NBAS: variants seen among roughly 807,000 people sequenced by gnomAD.
NBAS encodes NAG/BC035112 fusion.
Under a neutral mutation model 302.5 loss-of-function variants are expected in NBAS, and 219 were observed. The ratio of observed to expected loss-of-function variants is 0.72; its 90% confidence interval spans 0.65 to 0.81. The LOEUF is 0.81. NBAS is among the 30% of genes least tolerant of loss of function. The probability of loss-of-function intolerance (pLI) is 0.00; values close to 1 mark genes in which losing one functional copy is unlikely to be tolerated. For missense variants in NBAS, 2,932 were observed against 2,841.6 expected (o/e 1.03, Z -0.72); for synonymous variants, 1,118 against 1,021.6 (o/e 1.09, Z -1.80).
At chr2:15,059,339 C>T in the NBAS span, among the ~76,000 whole-genome samples, 1 of 152,150 alleles carries the variant, frequency 6.6e-6, no homozygotes, top group Non-Finnish European at 1.5e-5. Context: ...GATGAAGCAG[C>T]TCATTATTTG....
At chr2:15,112,067 G>T in the NBAS span, among the ~76,000 whole-genome samples, 35 of 151,042 alleles carry the variant, frequency 2.3e-4, no homozygotes, top group Non-Finnish European at 2.1e-4. Context: ...AGAAAATAAA[G>T]AGTAGCACAG....
At chr2:15,536,235 T>C (rs1028729246) in intron 8 of NBAS, among the ~76,000 whole-genome samples, 183 bp downstream of exon 8, 1 of 151,824 alleles carries the variant, frequency 6.6e-6, no homozygotes, top group African/African-American at 2.4e-5. Context: ...CACAGTAAAA[T>C]CCTAATTGTA....
At chr2:14,932,938 ATAT>A in the NBAS span, among the ~76,000 whole-genome samples, 1 of 152,224 alleles carries the variant, frequency 6.6e-6, no homozygotes, top group African/African-American at 2.4e-5. Context: ...CATGGAACTA[ATAT>A]TCTACTAAGT....
At chr2:15,259,760 A>G (rs1432422688) in intron 44 of NBAS, among the ~76,000 whole-genome samples, 1 of 152,204 alleles carries the variant, frequency 6.6e-6, no homozygotes, top group African/African-American at 2.4e-5. Flanking sequence ...GCAAACCAAG[A>G]TGGTTCAGTT....
At chr2:15,123,490 T>C in the NBAS span, among the ~76,000 whole-genome samples, 1 of 152,148 alleles carries the variant, frequency 6.6e-6, no homozygotes, top group Non-Finnish European at 1.5e-5. Flanking sequence ...TAAAGGAACA[T>C]TTGTGGTTCT....
At chr2:14,910,447 G>A in the NBAS span, among the ~76,000 whole-genome samples, 14 of 152,332 alleles carry the variant, frequency 9.2e-5, no homozygotes, top group Admixed American at 5.9e-4. Context: ...TGTGGCAGAA[G>A]AGAGTTTCTT....
the NBAS span, among the ~76,000 whole-genome samples, chr2:14,783,051 C>T: frequency 6.6e-6 from 1 of 151,968 alleles, no homozygotes; most frequent in African/African-American, 2.4e-5. Context: ...TACAACAAAC[C>T]CTTGTGAGAA....
the NBAS span, among the ~76,000 whole-genome samples, chr2:14,842,959 T>G: frequency 6.6e-6 from 1 of 151,466 alleles, no homozygotes; most frequent in Non-Finnish European, 1.5e-5. Context: ...TTAAAAAAGA[T>G]CATTCACAAT....
chr2:15,348,070 G>T (rs546528977), intron 35 of NBAS, among the ~76,000 whole-genome samples: 10 of 152,264 alleles, frequency 6.6e-5, no homozygotes, highest in South Asian at 2.1e-4. Flanking sequence ...AATTTAATGT[G>T]GTTATTATAT....
At chr2:15,317,637 A>C (rs1342289617) in intron 38 of NBAS, among the ~76,000 whole-genome samples, 2 of 152,178 alleles carry the variant, frequency 1.3e-5, no homozygotes, top group Non-Finnish European at 2.9e-5. Context: ...GGTCAAGTGG[A>C]AGAGTATCAG....
chr2:15,338,460 C>T (rs1427929599), intron 35 of NBAS, among the ~76,000 whole-genome samples: 2 of 152,078 alleles, frequency 1.3e-5, no homozygotes, highest in Non-Finnish European at 2.9e-5. Flanking sequence ...AAATACCTGT[C>T]AGAACAAGCA....
At chr2:15,001,126 G>A in the NBAS span, among the ~76,000 whole-genome samples, 1 of 152,134 alleles carries the variant, frequency 6.6e-6, no homozygotes, top group Non-Finnish European at 1.5e-5. Context: ...TGAATTTCCA[G>A]AGAAATTTAA....
the NBAS span, among the ~76,000 whole-genome samples, chr2:15,011,154 A>C: frequency 6.6e-6 from 1 of 152,142 alleles, no homozygotes; most frequent in Non-Finnish European, 1.5e-5. Flanking sequence ...CTTAATAATG[A>C]ATTATTCAAT....
chr2:15,142,598 TC>T, the NBAS span, among the ~76,000 whole-genome samples: 1 of 152,236 alleles, frequency 6.6e-6, no homozygotes, highest in Non-Finnish European at 1.5e-5. Context: ...GCATTAGTCA[TC>T]CTGCTGGGCC....
the NBAS span, among the ~76,000 whole-genome samples, chr2:15,095,421 C>T: frequency 1.3e-5 from 2 of 152,132 alleles, no homozygotes; most frequent in Non-Finnish European, 1.5e-5. Context: ...TTCACCTTAT[C>T]GAACCATCAG....
At chr2:15,467,446 C>T (rs369002738) in intron 18 of NBAS, 39 bp from the exon 19 acceptor site, 10 of 1,508,160 alleles carry the variant, frequency 6.6e-6, no homozygotes, top group Non-Finnish European at 9.2e-6. Flanking sequence ...TATATTTACA[C>T]AGAATTATTT....
intron 44 of NBAS, among the ~76,000 whole-genome samples, chr2:15,252,192 T>C (rs1378734015): frequency 6.6e-6 from 1 of 152,146 alleles, no homozygotes; most frequent in Non-Finnish European, 1.5e-5. Context: ...TAAGCAGACT[T>C]TTTTTCTTTT....
chr2:15,337,079 G>T (rs1672617433), intron 35 of NBAS, among the ~76,000 whole-genome samples: 1 of 152,146 alleles, frequency 6.6e-6, no homozygotes, highest in South Asian at 2.1e-4. Context: ...TTCGAGACTG[G>T]CCTGGGCAAT....
intron 44 of NBAS, among the ~76,000 whole-genome samples, chr2:15,243,182 C>A (rs1667939006): frequency 6.6e-6 from 1 of 152,302 alleles, no homozygotes; most frequent in Admixed American, 6.5e-5. Flanking sequence ...GCTCACCAAA[C>A]ACAAGCATTC....
Sources: allele counts gnomAD v4.1 joint callset (sites outside exome capture counted in the v4.1 genomes callset), GRCh38; gene constraint gnomAD v4.1.1; transcripts MANE v1.5; gene names NCBI Gene and HGNC (gene_info 2026-07-23, HGNC 2026-07-21).